The following SCIN variants were observed in gnomAD, a reference collection of about 807,000 sequenced individuals.
The protein encoded by SCIN is adseverin.
In SCIN, 91 loss-of-function variants were observed where a neutral mutation model predicts 91.8. The observed-to-expected ratio is 0.99, with a 90% CI of 0.84 to 1.18. The LOEUF (loss-of-function observed/expected upper bound fraction) is 1.18, where lower values mean the gene tolerates loss of function less well. Among genes scored for constraint, SCIN ranks in the 50% most tolerant of loss-of-function variants. The pLI, the probability that SCIN is intolerant of heterozygous loss-of-function variation, is 0.00. For synonymous variants in SCIN, 367 were observed against 312.6 expected, an observed-to-expected ratio of 1.17 and a Z score of -1.84; for missense variants, 1,087 against 863.9, an observed-to-expected ratio of 1.26 and a Z score of -3.24.
chr7:12,596,100 C>T (rs1003463211), intron 3 of SCIN, among the ~76,000 whole-genome samples: 7 of 152,288 alleles, frequency 4.6e-5, no homozygotes, highest in Admixed American at 2.6e-4. Context: ...CAAGGTCAAG[C>T]GCGGTGTTTA....
chr7:12,627,903 T>G (rs1172365748), intron 8 of SCIN, among the ~76,000 whole-genome samples: 1 of 152,174 alleles, frequency 6.6e-6, no homozygotes, highest in Non-Finnish European at 1.5e-5. Context: ...CTAAGGCTTC[T>G]GCTCACTAGG....
At chr7:12,603,809 A>G (rs1484665959) in intron 3 of SCIN, among the ~76,000 whole-genome samples, 3 of 152,096 alleles carry the variant, frequency 2.0e-5, no homozygotes, top group Non-Finnish European at 4.4e-5. Context: ...TTCCCTATAT[A>G]TCATAATTTA....
At chr7:12,649,727 A>C (rs1311298662) in intron 14 of SCIN, among the ~76,000 whole-genome samples, 183 bp downstream of exon 14, 1 of 152,232 alleles carries the variant, frequency 6.6e-6, no homozygotes, top group African/African-American at 2.4e-5. Context: ...ATTTCTTAGT[A>C]TGAAAATAAT....
At chr7:12,649,662 A>G (rs1784040542) in intron 14 of SCIN, 118 bp downstream of exon 14, 1 of 522,302 alleles carries the variant, frequency 1.9e-6, no homozygotes. Context: ...GGCTGTATTT[A>G]AAAAACACAC....
At chr7:12,648,455 C>T (rs1784011225) in intron 13 of SCIN, among the ~76,000 whole-genome samples, 1 of 152,050 alleles carries the variant, frequency 6.6e-6, no homozygotes, top group Admixed American at 6.6e-5. Context: ...TGCCACCACA[C>T]CTGGCTAATG....
In SCIN at chr7:12,657,548, A is replaced by G. The variant is rs1348674759; in HGVS notation, c.*4833A>G. On this transcript the variant is annotated 3_prime_UTR_variant, in exon 16 of 16. Transcript: ENST00000297029. Reference sequence around the variant, plus strand: ...TTTATATATGTGTGTGTATATATATATATATATATATATATATATATATAT... The same window carrying G: ...TTTATATATGTGTGTGTATATATATGTATATATATATATATATATATATAT... 4.2e-3 allele frequency: 76 copies of G among 17,936 alleles called. 1 individual carries two copies. Among genetic ancestry groups the G allele is most frequent in the African/African-American group, 9.9e-3 (69 of 6,980 alleles). The allele number at this position is 17,936 out of a possible 1,614,324, so 1.1% of individuals were successfully genotyped here.
intron 3 of SCIN, among the ~76,000 whole-genome samples, chr7:12,586,717 A>G (rs1275684498): frequency 3.9e-5 from 6 of 152,212 alleles, no homozygotes; most frequent in African/African-American, 1.2e-4. Flanking sequence ...AAAATATGGT[A>G]TACACACAAT....
chr7:12,609,126 T>A (rs1046517268), intron 4 of SCIN, among the ~76,000 whole-genome samples: 1 of 152,126 alleles, frequency 6.6e-6, no homozygotes, highest in Non-Finnish European at 1.5e-5. Flanking sequence ...CAAAGCACAT[T>A]GTAGAGTAAA....
intron 9 of SCIN, among the ~76,000 whole-genome samples, chr7:12,632,838 G>T (rs1167116059): frequency 6.6e-6 from 1 of 152,188 alleles, no homozygotes; most frequent in Non-Finnish European, 1.5e-5. Context: ...GGAGGGGATG[G>T]TCATTTAGCT....
At position 12,653,214 on chromosome 7, in the gene SCIN, C is replaced by T. The variant is rs1302238621; in HGVS notation, c.*499C>T. On this transcript the variant is annotated 3_prime_UTR_variant, in exon 16 of 16. Coordinates refer to ENST00000297029, the MANE Select transcript of SCIN (RefSeq NM_001112706.3). The surrounding 1 kb of genome is among the most constrained non-coding windows in gnomAD (Gnocchi z 4.1). ...TTCTTACGTTAATACATTAAAATAACCTGAAGGAAACTTTCGTTATGGGCC... is the reference window on the plus strand; with the variant it reads ...TTCTTACGTTAATACATTAAAATAATCTGAAGGAAACTTTCGTTATGGGCC... 6.6e-6 allele frequency: 1 copy of T among 151,918 alleles called. No individual in the cohort carries two copies. Among genetic ancestry groups the T allele is most frequent in the Non-Finnish European group, 1.5e-5 (1 of 68,056 alleles). 9.4% of individuals were successfully genotyped at this position (151,918 alleles called of 1,614,324 possible). A position where few individuals can be genotyped will look rare whatever the true frequency, so the allele number is the denominator to read the frequency against.
chr7:12,595,318 C>G (rs912654654), intron 3 of SCIN, among the ~76,000 whole-genome samples: 6 of 152,128 alleles, frequency 3.9e-5, no homozygotes, highest in African/African-American at 1.4e-4. Flanking sequence ...TAGGAATTTA[C>G]AAGAGGGCGT....
intron 1 of SCIN, chr7:12,571,250 A>G: frequency 2.0e-6 from 1 of 506,374 alleles, no homozygotes; most frequent in South Asian, 2.7e-5. Context: ...TGGACTTTGG[A>G]GCTGGTGACT....
chr7:12,625,646 A>T, intron 6 of SCIN, 116 bp from the exon 7 acceptor site: 1 of 793,990 alleles, frequency 1.3e-6, no homozygotes, highest in Non-Finnish European at 2.0e-6. Context: ...CTATTCTTTC[A>T]CTGCTGTATT....
chr7:12,587,362 T>G (rs1782608938), intron 3 of SCIN, among the ~76,000 whole-genome samples: 1 of 152,176 alleles, frequency 6.6e-6, no homozygotes, highest in African/African-American at 2.4e-5. Flanking sequence ...GGAGTGAGGA[T>G]GAGGATGGAT....
rs1782412450 is a variant in SCIN at position 12,578,094 on chromosome 7, C to T, written c.230C>T (p.Ala77Val). The T allele has an allele frequency of 6.5e-7, 1 of 1,547,772 alleles. No individual in the cohort carries two copies. Among genetic ancestry groups the T allele is most frequent in the Non-Finnish European group, 8.7e-7 (1 of 1,145,166 alleles). Reference sequence around the variant, plus strand: ...GAGTGTTCCCAGGATGAAAGCACAGCTGCTGCCATCTTCACTGTTCAGATG... The same window carrying T: ...GAGTGTTCCCAGGATGAAAGCACAGTTGCTGCCATCTTCACTGTTCAGATG... ...GKECSQDEST[A>V]AAIFTVQMDD... The change falls in exon 2 of 16, where the codon GCT (alanine) becomes GTT (valine). Residue 77 changes from alanine (A) to valine (V), a missense_variant. Coordinates refer to ENST00000297029, the MANE Select transcript of SCIN (RefSeq NM_001112706.3).
chr7:12,651,937 G>T lies in SCIN; in HGVS notation c.2020+36G>T. 1 of 1,445,974 alleles carries T rather than the reference G, an allele frequency of 6.9e-7. No homozygotes were observed. Among genetic ancestry groups the T allele is most frequent in the Non-Finnish European group, 9.6e-7 (1 of 1,040,602 alleles). 89.6% of individuals were successfully genotyped at this position (1,445,974 alleles called of 1,614,324 possible). A position where few individuals can be genotyped will look rare whatever the true frequency, so the allele number is the denominator to read the frequency against. ...TCGATGGACCATTATAGCAGTAACC[G>T]GGCACCATTATGACCGAGTGTCTGG... is the stretch of plus-strand genomic sequence containing the variant. On this transcript the variant is annotated intron_variant, in intron 15 of 15. Coordinates refer to ENST00000297029, the MANE Select transcript of SCIN (RefSeq NM_001112706.3). The surrounding 1 kb of genome is among the most constrained non-coding windows in gnomAD (Gnocchi z 5.9).
intron 10 of SCIN, among the ~76,000 whole-genome samples, chr7:12,640,037 G>A (rs762767872): frequency 6.6e-5 from 10 of 152,236 alleles, no homozygotes; most frequent in Middle Eastern, 3.4e-3. Context: ...TTTCTCTTTC[G>A]GAGATGTAGA....
chr7:12,595,943 T>TCAGAAGAAAGAATTCGA (rs1244535382), intron 3 of SCIN: 1 of 162,016 alleles, frequency 6.2e-6, no homozygotes, highest in Non-Finnish European at 1.3e-5. Flanking sequence ...TCTTACCTCC[T>TCAGAAGAAAGAATTCGA]CAGAAGAAAG....
In SCIN at chr7:12,604,007, T is replaced by C. The variant is rs78070233; in HGVS notation, c.517-507T>C. On this transcript the variant is annotated intron_variant, in intron 3 of 15. Transcript: ENST00000297029. Reference sequence around the variant, plus strand: ...TTTTTATGGCTCTTGATAAGAATTGTTAAATTGCTTTACATATATTAATTA... The same window carrying C: ...TTTTTATGGCTCTTGATAAGAATTGCTAAATTGCTTTACATATATTAATTA... 2.6e-4 allele frequency among the ~76,000 whole-genome samples: 40 copies of C among 152,172 alleles called. 2 individuals are homozygous for C. In the East Asian group the frequency reaches 7.7e-3, roughly 29 times the overall value.
Sources: allele counts gnomAD v4.1 joint callset (sites outside exome capture counted in the v4.1 genomes callset), GRCh38; gene constraint gnomAD v4.1.1; non-coding constraint Gnocchi (gnomAD v3.1); transcripts MANE v1.5; gene names NCBI Gene and HGNC (gene_info 2026-07-23, HGNC 2026-07-21).